ABLIM2: variants seen among roughly 807,000 people sequenced by gnomAD.
ABLIM2 encodes the protein actin-binding LIM protein 2.
In ABLIM2, 53 loss-of-function variants were observed where a neutral mutation model predicts 97.7. The observed-to-expected ratio is 0.54, with a 90% CI of 0.44 to 0.68. The LOEUF is 0.68. Among genes scored for constraint, ABLIM2 ranks in the 30% least tolerant of loss-of-function variants. ABLIM2 has a pLI of 0.00. For synonymous variants in ABLIM2, 361 were observed against 345.8 expected, an observed-to-expected ratio of 1.04 and a Z score of -0.49; for missense variants, 835 against 867.2, an observed-to-expected ratio of 0.96 and a Z score of 0.47.
At chr4:8,051,900 G>A (rs1472997980) in intron 8 of ABLIM2, among the ~76,000 whole-genome samples, 2 of 152,114 alleles carry the variant, frequency 1.3e-5, no homozygotes, top group Non-Finnish European at 1.5e-5. Context: ...CAAACCAATC[G>A]CCTAAGCCCT....
At position 8,008,715 on chromosome 4, in the gene ABLIM2, T is replaced by C. The variant is rs183663200; in HGVS notation, c.1476+335A>G. 5.3e-5 allele frequency among the ~76,000 whole-genome samples: 8 copies of C among 152,368 alleles called. No individual in the cohort carries two copies. In the East Asian group the frequency reaches 1.5e-3, roughly 29 times the overall value. On this transcript the variant is annotated intron_variant, in intron 15 of 20. Coordinates refer to ENST00000447017, the MANE Select transcript of ABLIM2 (RefSeq NM_001130083.2). ...CACAAAGCCAAAAGTACTTACTCTCTGGCCCTTTATGAAGAACGTCTGATG... is the reference window on the plus strand; with the variant it reads ...CACAAAGCCAAAAGTACTTACTCTCCGGCCCTTTATGAAGAACGTCTGATG...
At chr4:8,028,440 C>T (rs1036592299) in intron 11 of ABLIM2, among the ~76,000 whole-genome samples, 1 of 152,192 alleles carries the variant, frequency 6.6e-6, no homozygotes, top group Non-Finnish European at 1.5e-5. Flanking sequence ...TTCATTCACT[C>T]ACTTACTTGC....
intron 1 of ABLIM2, among the ~76,000 whole-genome samples, chr4:8,110,314 G>A (rs1839679608): frequency 6.6e-6 from 1 of 152,234 alleles, no homozygotes; most frequent in South Asian, 2.1e-4. Flanking sequence ...AATCCAGCCT[G>A]AGGGAAGTGT....
rs559551123 is a variant in ABLIM2 at position 8,148,748 on chromosome 4, T to C, written c.10+9932A>G. On this transcript the variant is annotated intron_variant, in intron 1 of 20. Transcript: ENST00000447017. The surrounding 1 kb of genome is among the most constrained non-coding windows in gnomAD (Gnocchi z 6.7). ...CAGGAACTCAGAGTCGGAAAGATCCTCTAGGACAAGCCCAACCCCAACAGA... is the reference window on the plus strand; with the variant it reads ...CAGGAACTCAGAGTCGGAAAGATCCCCTAGGACAAGCCCAACCCCAACAGA... Among the ~76,000 whole-genome samples the C allele has an allele frequency of 6.6e-6, 1 of 152,132 alleles. No individual in the cohort carries two copies. The highest frequency in any genetic ancestry group is 1.5e-5 in the Non-Finnish European group (1 of 68,014).
At position 7,999,737 on chromosome 4, in the gene ABLIM2, C is replaced by T. The variant is rs950034540; in HGVS notation, c.1619-6810G>A. 6.6e-6 allele frequency among the ~76,000 whole-genome samples: 1 copy of T among 152,174 alleles called. No homozygotes were observed. The highest frequency in any genetic ancestry group is 1.5e-5 in the Non-Finnish European group (1 of 68,034). On this transcript the variant is annotated intron_variant, in intron 16 of 20. Transcript: ENST00000447017. This position sits in a 1 kb window ranked among gnomAD's most constrained non-coding sequence, Gnocchi z 4.4. ...TGGCGGCAACTGGGTAGTCCTGATGCCAGTTACATGAGGCTCTGCAGGCAC... is the reference window on the plus strand; with the variant it reads ...TGGCGGCAACTGGGTAGTCCTGATGTCAGTTACATGAGGCTCTGCAGGCAC...
Position 8,147,251 on chromosome 4 carries a change from A to C in ABLIM2, c.10+11429T>G, listed in dbSNP as rs142766851. Among the ~76,000 whole-genome samples, 69 of 152,322 alleles carry C rather than the reference A, an allele frequency of 4.5e-4. No homozygotes were observed. Among genetic ancestry groups the C allele is most frequent in the African/African-American group, 1.6e-3 (67 of 41,558 alleles). On this transcript the variant is annotated intron_variant, in intron 1 of 20. Transcript: ENST00000447017. This position sits in a 1 kb window ranked among gnomAD's most constrained non-coding sequence, Gnocchi z 5.3. ...CCCGGGACGTTTAAATTTAGCGAGT[A>C]ACATTTTTTTTATCCTATGAGAAGT...
At chr4:7,972,835 T>C (rs934129194) in intron 20 of ABLIM2, among the ~76,000 whole-genome samples, 10 of 152,166 alleles carry the variant, frequency 6.6e-5, no homozygotes, top group Non-Finnish European at 1.3e-4. Flanking sequence ...GACACACCCA[T>C]GTGGCTCCAA....
rs991323143 is a variant in ABLIM2 at position 8,069,208 on chromosome 4, C to T, written c.676-8154G>A. ...AGCGGCCTCATTCTCTGCTGTACCC[C>T]GGCGTCCCCTCCAGCAGTGGCACTG... On this transcript the variant is annotated intron_variant, in intron 6 of 20. Transcript: ENST00000447017. The surrounding 1 kb of genome is among the most constrained non-coding windows in gnomAD (Gnocchi z 4.2). Among the ~76,000 whole-genome samples the T allele has an allele frequency of 6.6e-6, 1 of 152,272 alleles. No homozygotes were observed. Among genetic ancestry groups the T allele is most frequent in the African/African-American group, 2.4e-5 (1 of 41,476 alleles).
chr4:8,146,688 C>A (rs927907908), intron 1 of ABLIM2, among the ~76,000 whole-genome samples: 11 of 152,054 alleles, frequency 7.2e-5, no homozygotes, highest in African/African-American at 2.7e-4. Flanking sequence ...TAGGCACATG[C>A]CCAGCTAATT....
chr4:8,008,199 T>C lies in ABLIM2; in HGVS notation c.1478A>G (p.Gln493Arg). The change falls in exon 16 of 21, where the codon CAG (glutamine) becomes CGG (arginine). Residue 493 changes from glutamine (Q) to arginine (R), a missense_variant and splice_region_variant. Transcript: ENST00000447017. Reference protein sequence around the residue: ...DGSLDQDNRKQKSSWLMLKGD... With the variant: ...DGSLDQDNRKRKSSWLMLKGD... ...CTTGAGCATCAGCCAGCTGCTCTTCTGCTGAAGGTAAAAAACAAAGTCATG... is the reference window on the plus strand; with the variant it reads ...CTTGAGCATCAGCCAGCTGCTCTTCCGCTGAAGGTAAAAAACAAAGTCATG... The C allele has an allele frequency of 6.2e-7, 1 of 1,612,536 alleles. No individual in the cohort carries two copies.
chr4:8,097,411 T>C lies in ABLIM2; in HGVS notation c.155-129A>G. 5.2e-6 allele frequency: 6 copies of C among 1,162,682 alleles called. No individual in the cohort carries two copies. In the South Asian group the frequency reaches 6.0e-5, roughly 12 times the overall value. The allele number at this position is 1,162,682 out of a possible 1,614,324, so 72.0% of individuals were successfully genotyped here. A position where few individuals can be genotyped will look rare whatever the true frequency, so the allele number is the denominator to read the frequency against. On this transcript the variant is annotated intron_variant, in intron 2 of 20. Coordinates refer to ENST00000447017, the MANE Select transcript of ABLIM2 (RefSeq NM_001130083.2). ...CAGGCACTGAGGCCTCGGCACACAC[T>C]TGGGGTGGCTTGCTCAACTCTCGGC...
intron 20 of ABLIM2, among the ~76,000 whole-genome samples, chr4:7,973,381 G>A (rs1031125165): frequency 2.4e-4 from 36 of 151,956 alleles, no homozygotes; most frequent in African/African-American, 7.7e-4. Flanking sequence ...CATGCCTGTA[G>A]TCCCAGCTAC....
chr4:8,158,427 C>T (rs1324100269), intron 1 of ABLIM2, among the ~76,000 whole-genome samples: 4 of 152,198 alleles, frequency 2.6e-5, no homozygotes, highest in Admixed American at 2.0e-4. Context: ...TTCCAGACAT[C>T]CTGGCGCAGC....
chr4:7,982,110 T>C (rs13126086), intron 20 of ABLIM2, among the ~76,000 whole-genome samples: 15,154 of 132,846 alleles, frequency 0.11, 973 homozygotes, highest in Non-Finnish European at 0.17. Flanking sequence ...ACTGAGCCAC[T>C]GCCCCTCAGC....
At chr4:8,107,577 G>A (rs1230156148) in intron 1 of ABLIM2, among the ~76,000 whole-genome samples, 2 of 152,212 alleles carry the variant, frequency 1.3e-5, no homozygotes, top group Admixed American at 1.3e-4. Context: ...CCGGACAAGT[G>A]GAGGCAAGTG....
rs762247756 is a variant in ABLIM2, at chr4:8,069,810, A to G, written c.675+7818T>C. Among the ~76,000 whole-genome samples the G allele has an allele frequency of 1.6e-4, 24 of 145,850 alleles. No individual in the cohort carries two copies. The highest frequency in any genetic ancestry group is 3.0e-4 in the Non-Finnish European group (20 of 66,638). The stretch of plus-strand genomic sequence containing the variant: ...TCTCTCCGTGTGCTTGTGTGTCTCT[A>G]TGTGTTGTCTGTGTGTACGTGTCTG... On this transcript the variant is annotated intron_variant, in intron 6 of 20. Coordinates refer to ENST00000447017, the MANE Select transcript of ABLIM2 (RefSeq NM_001130083.2). The surrounding 1 kb of genome is among the most constrained non-coding windows in gnomAD (Gnocchi z 4.2).
intron 8 of ABLIM2, among the ~76,000 whole-genome samples, chr4:8,052,117 T>C (rs1177029561): frequency 6.6e-6 from 1 of 152,226 alleles, no homozygotes; most frequent in Non-Finnish European, 1.5e-5. Flanking sequence ...TTTTTTCTAA[T>C]TCTACTAGAG....
In ABLIM2 at chr4:8,149,703, G is replaced by A. The variant is rs1454947950; in HGVS notation, c.10+8977C>T. Among the ~76,000 whole-genome samples the A allele has an allele frequency of 6.6e-6, 1 of 152,020 alleles. No homozygotes were observed. Among genetic ancestry groups the A allele is most frequent in the African/African-American group, 2.4e-5 (1 of 41,384 alleles). ...GGTGCTTAATAAATAGTCGTGGAGG[G>A]ACAGAAGGGACATTCTGGAAGAGCT... is the stretch of plus-strand genomic sequence containing the variant. On this transcript the variant is annotated intron_variant, in intron 1 of 20. Transcript: ENST00000447017. This position sits in a 1 kb window ranked among gnomAD's most constrained non-coding sequence, Gnocchi z 6.4.
intron 1 of ABLIM2, among the ~76,000 whole-genome samples, chr4:8,139,083 C>T (rs1850578997): frequency 6.6e-6 from 1 of 152,196 alleles, no homozygotes; most frequent in Non-Finnish European, 1.5e-5. Flanking sequence ...GTAATCCCAG[C>T]TCCTTGGGAG....
Sources: gnomAD v4.1 joint callset for allele counts (sites outside exome capture counted in the v4.1 genomes callset) on GRCh38, gnomAD v4.1.1 for gene constraint, Gnocchi (gnomAD v3.1) non-coding constraint, MANE v1.5 for transcripts, NCBI Gene and HGNC (gene_info 2026-07-23, HGNC 2026-07-21) for gene names.